The following MUC17 variants were observed in gnomAD, a reference collection of about 807,000 sequenced individuals.
MUC17 encodes the protein mucin 17, cell surface associated, also known as mucin-17.
MUC17 carries 190 observed loss-of-function variants against 170.3 expected under a neutral mutation model. The ratio of observed to expected loss-of-function variants is 1.12; its 90% CI spans 0.99 to 1.26. MUC17 has a LOEUF of 1.26. Among genes scored for constraint, MUC17 ranks in the 50% most tolerant of loss-of-function variants. MUC17 has a pLI of 0.00. For synonymous variants in MUC17, 2,325 were observed against 2,002.5 expected, an observed-to-expected ratio of 1.16 and a Z score of -4.30; for missense variants, 6,415 against 5,530.0, an observed-to-expected ratio of 1.16 and a Z score of -5.08.
intron 1 of MUC17, among the ~76,000 whole-genome samples, chr7:101,022,037 C>A (rs1794099861): frequency 6.6e-6 from 1 of 152,200 alleles, no homozygotes; most frequent in Non-Finnish European, 1.5e-5. Context: ...TGAGGGCCAC[C>A]AAGGCTTGGG....
intron 4 of MUC17, 150 bp downstream of exon 4, chr7:101,048,265 T>C (rs1319656648): frequency 5.4e-6 from 4 of 741,144 alleles, no homozygotes; most frequent in Non-Finnish European, 7.8e-6. Context: ...TTGTTTTGTT[T>C]CCACCCAGTG....
intron 3 of MUC17, among the ~76,000 whole-genome samples, chr7:101,046,945 G>T (rs985671206): frequency 2.0e-5 from 3 of 152,014 alleles, no homozygotes; most frequent in South Asian, 4.2e-4. Flanking sequence ...TGGGCGTGGT[G>T]GCAGGCATGC....
chr7:101,032,365 A>G lies in MUC17; in HGVS notation c.949A>G (p.Thr317Ala), dbSNP rs1021459277. 6.2e-7 allele frequency: 1 copy of G among 1,613,338 alleles called. No individual in the cohort carries two copies. The highest frequency in any genetic ancestry group is 8.5e-7 in the Non-Finnish European group (1 of 1,179,834). Residue 317 changes from threonine to alanine, a missense_variant, in exon 3 of 13, where the codon ACA becomes GCA. Thr to Ala is a moderately conservative substitution (Grantham distance 58). Coordinates refer to ENST00000306151, the MANE Select transcript of MUC17 (RefSeq NM_001040105.2). ...TTCTACTGAAGCCAGTTCATCTCCT[A>G]CAACGGCTGAAGGCACCAGCATACC... The part of the protein sequence containing the change: ...ITSTEASSSP[T>A]TAEGTSIPTS...
rs1479224215 is a variant in MUC17, at chr7:101,032,036, C to A, written c.620C>A (p.Pro207His). The A allele has an allele frequency of 1.9e-6, 3 of 1,614,110 alleles. No homozygotes were observed. Among genetic ancestry groups the A allele is most frequent in the Non-Finnish European group, 2.5e-6 (3 of 1,180,050 alleles). Residue 207 changes from proline (P) to histidine (H), a missense_variant, in exon 3 of 13, where the codon CCC (proline) becomes CAC (histidine). By Grantham distance (77) the Pro-to-His change is moderately conservative (BLOSUM62 -2). Coordinates refer to ENST00000306151, the MANE Select transcript of MUC17 (RefSeq NM_001040105.2). The part of the protein sequence containing the change: ...SPTTPESTTI[P>H]KSTNSEGSTP... ...ACTACTCCTGAAAGCACCACCATAC[C>A]CAAATCAACTAACAGTGAAGGAAGC...
Position 101,053,035 on chromosome 7 carries a change from G to A in MUC17, c.13153G>A (p.Gly4385Ser). 1 of 1,614,096 alleles carries A rather than the reference G, an allele frequency of 6.2e-7. No individual in the cohort carries two copies. The highest frequency in any genetic ancestry group is 8.5e-7 in the Non-Finnish European group (1 of 1,180,014). Residue 4385 changes from glycine to serine, a missense_variant, in exon 10 of 13, where the codon GGC becomes AGC. Gly to Ser is a moderately conservative substitution (Grantham distance 56, BLOSUM62 0). Coordinates refer to ENST00000306151, the MANE Select transcript of MUC17 (RefSeq NM_001040105.2). ...GTACAGTGGGGAGACCTGTAACCAG[G>A]GCACCCAGAAGAGTCTGGTGTACGG... ...HWYSGETCNQ[G>S]TQKSLVYGLV...
At chr7:101,022,375 G>A (rs1463899902) in intron 1 of MUC17, among the ~76,000 whole-genome samples, 1 of 152,150 alleles carries the variant, frequency 6.6e-6, no homozygotes, top group Non-Finnish European at 1.5e-5. Flanking sequence ...CCATGTTGGC[G>A]AGGGTGGTCT....
At chr7:101,047,600 T>C (rs1015977451) in intron 3 of MUC17, among the ~76,000 whole-genome samples, 1 of 151,992 alleles carries the variant, frequency 6.6e-6, no homozygotes, top group African/African-American at 2.4e-5. Context: ...GAGGCTGAGG[T>C]GGGCAGATCA....
intron 1 of MUC17, among the ~76,000 whole-genome samples, chr7:101,021,226 C>A (rs1482156235): frequency 6.7e-6 from 1 of 148,704 alleles, no homozygotes; most frequent in Admixed American, 6.7e-5. Flanking sequence ...CGCTCTGTCA[C>A]CCAGGCTGGA....
chr7:101,020,148 G>A lies in MUC17; in HGVS notation c.13G>A (p.Gly5Arg), dbSNP rs1219725906. MPRP[G>R]TMALCLLTLV... is the part of the protein sequence containing the mutation. ...GCTCAGAGCTCCGATGCCAAGGCCAGGGACCATGGCGCTGTGTCTGCTGAC... is the reference window on the plus strand; with the variant it reads ...GCTCAGAGCTCCGATGCCAAGGCCAAGGACCATGGCGCTGTGTCTGCTGAC... The change falls in exon 1 of 13, where the codon GGG (glycine) becomes AGG (arginine). Residue 5 changes from glycine to arginine, a missense_variant. Gly to Arg is a moderately radical substitution (Grantham distance 125, BLOSUM62 -2). Coordinates refer to ENST00000306151, the MANE Select transcript of MUC17 (RefSeq NM_001040105.2). 6.2e-7 allele frequency: 1 copy of A among 1,605,026 alleles called. No individual in the cohort carries two copies. Among genetic ancestry groups the A allele is most frequent in the Admixed American group, 1.7e-5 (1 of 58,888 alleles).
rs1282468827 is a variant in MUC17, at chr7:101,040,032, A to AAGT, written c.8618_8620dup (p.Ser2873dup). On this transcript the variant is annotated inframe_insertion, in exon 3 of 13. Transcript: ENST00000306151. ...CTAGTGAAGGAAGTACTCTATTAACAAGTATACCTGTCAGCACCACGCCGG... is the reference window on the plus strand; with the variant it reads ...CTAGTGAAGGAAGTACTCTATTAACAAGTAGTATACCTGTCAGCACCACGCCGG... 6.2e-7 allele frequency: 1 copy of AAGT among 1,608,094 alleles called. No individual in the cohort carries two copies. Among genetic ancestry groups the AAGT allele is most frequent in the Non-Finnish European group, 8.5e-7 (1 of 1,178,410 alleles).
chr7:101,053,586 C>A, intron 11 of MUC17, 150 bp downstream of exon 11: 1 of 572,796 alleles, frequency 1.7e-6, no homozygotes, highest in Middle Eastern at 4.5e-4. Flanking sequence ...TGGGCAACAA[C>A]ACAGCAAAAC....
In MUC17 at chr7:101,037,252, CT is replaced by C; in HGVS notation, c.5839del (p.Ser1947GlnfsTer11). The C allele has an allele frequency of 6.2e-7, 1 of 1,610,890 alleles. No homozygotes were observed. The highest frequency in any genetic ancestry group is 8.5e-7 in the Non-Finnish European group (1 of 1,178,006). ...AGTGGCCAGTTCTGAAATCAACACC[CT>C]TTCAACAACTCTTGCTGACACCAGG... ...TTVASSEINTLSTTLADTRTP... is the reference protein window; with the variant it reads ...TTVASSEINTXSTTLADTRTP... On this transcript the variant is annotated frameshift_variant, in exon 3 of 13. Transcript: ENST00000306151. LOFTEE classifies it high-confidence loss of function.
chr7:101,033,077 C>T lies in MUC17; in HGVS notation c.1661C>T (p.Thr554Ile). Residue 554 changes from threonine (T) to isoleucine (I), a missense_variant, in exon 3 of 13, where the codon ACT becomes ATT. Physicochemically the swap from Thr to Ile is moderately conservative, Grantham distance 89. Coordinates refer to ENST00000306151, the MANE Select transcript of MUC17 (RefSeq NM_001040105.2). ...AGTGAAGCCAGTTCATCTTCTACAA[C>T]TCCTGAAGGTACCAGCATACCAACC... ...TSSEASSSSTTPEGTSIPTST... is the reference protein window; with the variant it reads ...TSSEASSSSTIPEGTSIPTST... 1.2e-6 allele frequency: 2 copies of T among 1,613,770 alleles called. No homozygotes were observed. Among genetic ancestry groups the T allele is most frequent in the South Asian group, 2.2e-5 (2 of 91,056 alleles).
chr7:101,041,843 G>C lies in MUC17; in HGVS notation c.10427G>C (p.Ser3476Thr). 6.2e-7 allele frequency: 1 copy of C among 1,613,752 alleles called. No homozygotes were observed. Among genetic ancestry groups the C allele is most frequent in the Non-Finnish European group, 8.5e-7 (1 of 1,179,908 alleles). Reference protein sequence around the residue: ...STTPVASSEASTLSTTPVDTS... With the variant: ...STTPVASSEATTLSTTPVDTS... ...ACGCCGGTGGCCAGTTCTGAGGCTAGCACCCTTTCAACAACTCCTGTTGAC... is the reference window on the plus strand; with the variant it reads ...ACGCCGGTGGCCAGTTCTGAGGCTACCACCCTTTCAACAACTCCTGTTGAC... The change falls in exon 3 of 13, where the codon AGC (serine) becomes ACC (threonine). Residue 3476 changes from serine (S) to threonine (T), a missense_variant. Ser to Thr is a moderately conservative substitution (Grantham distance 58). Transcript: ENST00000306151.
In MUC17 at chr7:101,038,454, C is replaced by A. The variant is rs1259231454; in HGVS notation, c.7038C>A (p.Ser2346Arg). The change falls in exon 3 of 13, where the codon AGC (serine) becomes AGA (arginine). Residue 2346 changes from serine (S) to arginine (R), a missense_variant. Physicochemically the swap from Ser to Arg is moderately radical, Grantham distance 110. Coordinates refer to ENST00000306151, the MANE Select transcript of MUC17 (RefSeq NM_001040105.2). ...CTCCATTAACACGTATGCCTGTCAG[C>A]ACCACAATGGTGGCCAGTTTTGAAA... ...GNTPLTRMPV[S>R]TTMVASFETS... 3 of 1,604,420 alleles carry A rather than the reference C, an allele frequency of 1.9e-6. No individual in the cohort carries two copies. Among genetic ancestry groups the A allele is most frequent in the African/African-American group, 2.7e-5 (2 of 74,390 alleles).
At position 101,036,305 on chromosome 7, in the gene MUC17, G is replaced by A. The variant is rs779038710; in HGVS notation, c.4889G>A (p.Ser1630Asn). ...ACAATCTCAACTCCTAGTGAAGGAA[G>A]TCCTCTATTAACAAGTATACCTGTC... ...SMTISTPSEG[S>N]PLLTSIPVST... The change falls in exon 3 of 13, where the codon AGT (serine) becomes AAT (asparagine). Residue 1630 changes from serine (S) to asparagine (N), a missense_variant. Coordinates refer to ENST00000306151, the MANE Select transcript of MUC17 (RefSeq NM_001040105.2). 6.2e-7 allele frequency: 1 copy of A among 1,612,666 alleles called. No individual in the cohort carries two copies. Among genetic ancestry groups the A allele is most frequent in the Non-Finnish European group, 8.5e-7 (1 of 1,179,620 alleles).
Position 101,034,894 on chromosome 7 carries a change from A to G in MUC17, c.3478A>G (p.Thr1160Ala). 2 of 1,613,132 alleles carry G rather than the reference A, an allele frequency of 1.2e-6. No individual in the cohort carries two copies. The highest frequency in any genetic ancestry group is 1.7e-6 in the Non-Finnish European group (2 of 1,179,898). ...IPTSPPSEGT[T>A]PLASMPVSTT... is the part of the protein sequence containing the mutation. ...AACCTCACCTCCCAGTGAAGGAACC[A>G]CTCCGTTAGCAAGTATGCCTGTCAG... The change falls in exon 3 of 13, where the codon ACT (threonine) becomes GCT (alanine). Residue 1160 changes from threonine to alanine, a missense_variant. Coordinates refer to ENST00000306151, the MANE Select transcript of MUC17 (RefSeq NM_001040105.2).
At chr7:101,029,637 T>G (rs1794242391) in intron 1 of MUC17, among the ~76,000 whole-genome samples, 1 of 152,018 alleles carries the variant, frequency 6.6e-6, no homozygotes, top group South Asian at 2.1e-4. Flanking sequence ...CTCGCTCTGT[T>G]GGCCAGGCCG....
chr7:101,024,348 C>G (rs55934308), intron 1 of MUC17, among the ~76,000 whole-genome samples: 1 of 151,416 alleles, frequency 6.6e-6, no homozygotes, highest in Non-Finnish European at 1.5e-5. Flanking sequence ...TGCCGTGAGC[C>G]GAGATGGCAT....
Sources: allele counts gnomAD v4.1 joint callset (sites outside exome capture counted in the v4.1 genomes callset), GRCh38; gene constraint gnomAD v4.1.1; transcripts MANE v1.5; gene names NCBI Gene and HGNC (gene_info 2026-07-23, HGNC 2026-07-21).